Variants in CARS1 observed in about 807,000 individuals in gnomAD.
CARS1 encodes cysteine--tRNA ligase, cytoplasmic.
Under a neutral mutation model 106.2 loss-of-function variants are expected in CARS1, and 48 were observed. The ratio of observed to expected loss-of-function variants is 0.45; its 90% CI spans 0.36 to 0.57. The LOEUF (loss-of-function observed/expected upper bound fraction) is 0.57, where lower values mean the gene tolerates loss of function less well. CARS1 is among the 20% of genes least tolerant of loss of function. The probability of loss-of-function intolerance (pLI) is 0.00; values close to 1 mark genes in which losing one functional copy is unlikely to be tolerated. For synonymous variants in CARS1, 409 were observed against 403.4 expected, an observed-to-expected ratio of 1.01 and a Z score of -0.17; for missense variants, 968 against 1,057.2, an observed-to-expected ratio of 0.92 and a Z score of 1.17.
Position 3,052,129 on chromosome 11 carries a change from C to A in CARS1, c.26-4128G>T, listed in dbSNP as rs1165244151. Among the ~76,000 whole-genome samples the A allele has an allele frequency of 3.3e-5, 5 of 152,240 alleles. No individual in the cohort carries two copies. Among genetic ancestry groups the A allele is most frequent in the African/African-American group, 1.2e-4 (5 of 41,464 alleles). On this transcript the variant is annotated intron_variant, in intron 1 of 22. Transcript: ENST00000380525. This position sits in a 1 kb window ranked among gnomAD's most constrained non-coding sequence, Gnocchi z 4.6. The stretch of plus-strand genomic sequence containing the variant: ...AGAAAAACATCAAATGTCCTAACGG[C>A]GGCTGCAGTGGCTTTTGAGCGCTGA...
At chr11:3,032,088 T>C (rs1590439397) in intron 7 of CARS1, among the ~76,000 whole-genome samples, 3 of 127,486 alleles carry the variant, frequency 2.4e-5, no homozygotes, top group East Asian at 2.6e-4. Flanking sequence ...CCTTCCTTCC[T>C]TCCTTGATGG....
Position 3,041,238 on chromosome 11 carries a change from C to G in CARS1, c.367-254G>C. 1 of 459,394 alleles carries G rather than the reference C, an allele frequency of 2.2e-6. No homozygotes were observed. The highest frequency in any genetic ancestry group is 3.9e-6 in the Non-Finnish European group (1 of 256,458). 28.5% of individuals were successfully genotyped at this position (459,394 alleles called of 1,614,324 possible). On this transcript the variant is annotated intron_variant, in intron 3 of 22. Transcript: ENST00000380525. The surrounding 1 kb of genome is among the most constrained non-coding windows in gnomAD (Gnocchi z 4.9). ...GGTTCTACTCATCTATGGAGGGAGG[C>G]GATAAAGGGAATCAATGATTTTATT...
At position 3,047,753 on chromosome 11, in the gene CARS1, T is replaced by C. The variant is rs910209010; in HGVS notation, c.274A>G (p.Ser92Gly). 3 of 1,607,958 alleles carry C rather than the reference T, an allele frequency of 1.9e-6. No homozygotes were observed. The highest frequency in any genetic ancestry group is 2.6e-6 in the Non-Finnish European group (3 of 1,175,794). The change falls in exon 2 of 23, where the codon AGC becomes GGC. Residue 92 changes from serine (S) to glycine (G), a missense_variant and splice_region_variant. Transcript: ENST00000380525. The part of the protein sequence containing the change: ...GKGQPCRLQA[S>G]KGRRVQPQWS... Reference sequence around the variant, plus strand: ...CCAGGGAACCCACTCTGTTACTCACTTGCTTGGAGCCTGCAGGGCTGGCCT... The same window carrying C: ...CCAGGGAACCCACTCTGTTACTCACCTGCTTGGAGCCTGCAGGGCTGGCCT...
intron 10 of CARS1, among the ~76,000 whole-genome samples, chr11:3,025,239 T>TA (rs1466015733): frequency 3.9e-5 from 6 of 151,982 alleles, no homozygotes; most frequent in Non-Finnish European, 7.3e-5. Flanking sequence ...TTATTATATA[T>TA]TTTTTTGAGA....
At position 3,039,213 on chromosome 11, in the gene CARS1, T is replaced by A; in HGVS notation, c.632A>T (p.Asp211Val). The A allele has an allele frequency of 6.2e-7, 1 of 1,612,688 alleles. No individual in the cohort carries two copies. The highest frequency in any genetic ancestry group is 8.5e-7 in the Non-Finnish European group (1 of 1,178,910). The change falls in exon 6 of 23, where the codon GAT (aspartate) becomes GTT (valine). Residue 211 changes from aspartate (D) to valine (V), a missense_variant. Transcript: ENST00000380525. This position sits in a 1 kb window ranked among gnomAD's most constrained non-coding sequence, Gnocchi z 5.6. ...GCCCACCTTCAGGGCGGCCTGAACA[T>A]CCTCCAAGAGCTGTGCCGCTTCAGG... ...KRPEAAQLLE[D>V]VQAALKPFSV...
Position 3,037,143 on chromosome 11 carries a change from G to A in CARS1, c.801+907C>T, listed in dbSNP as rs1444230858. ...GCTCCCAGGCAGGCACTGAGGCAGT[G>A]ACAGTGACCACATGTGGGTCGTCCC... On this transcript the variant is annotated intron_variant, in intron 7 of 22. Coordinates refer to ENST00000380525, the MANE Select transcript of CARS1 (RefSeq NM_001014437.3). The surrounding 1 kb of genome is among the most constrained non-coding windows in gnomAD (Gnocchi z 5.9). Among the ~76,000 whole-genome samples, 1 of 152,224 alleles carries A rather than the reference G, an allele frequency of 6.6e-6. No homozygotes were observed. Among genetic ancestry groups the A allele is most frequent in the Non-Finnish European group, 1.5e-5 (1 of 68,030 alleles).
intron 7 of CARS1, chr11:3,031,027 G>C (rs1043019636): frequency 2.0e-5 from 3 of 152,160 alleles, no homozygotes; most frequent in Non-Finnish European, 4.4e-5. Flanking sequence ...GAAATGATGA[G>C]ACTCACATCT....
rs2134294555 is a variant in CARS1, at chr11:3,047,999, G to A, written c.28C>T (p.Pro10Ser). 2 of 1,612,268 alleles carry A rather than the reference G, an allele frequency of 1.2e-6. No homozygotes were observed. Among genetic ancestry groups the A allele is most frequent in the Admixed American group, 1.7e-5 (1 of 59,986 alleles). Residue 10 changes from proline (P) to serine (S), a missense_variant and splice_region_variant, in exon 2 of 23, where the codon CCT becomes TCT. Physicochemically the swap from Pro to Ser is moderately conservative, Grantham distance 74. Transcript: ENST00000380525. MADSSGQQA[P>S]DYRSILSISD... is the part of the protein sequence containing the mutation. The stretch of plus-strand genomic sequence containing the variant: ...ATGCTCAGAATGGACCTGTAGTCAG[G>A]AGCTGCAAAGACAGAGGGCACATGG...
At position 3,040,904 on chromosome 11, in the gene CARS1, C is replaced by T; in HGVS notation, c.447G>A (p.Gly149=). The change falls in exon 4 of 23, where the codon GGG becomes GGA. Residue 149 remains glycine, a synonymous_variant. Transcript: ENST00000380525. The surrounding 1 kb of genome is among the most constrained non-coding windows in gnomAD (Gnocchi z 5.8). ...GPTVYDASHM[G]HARSYISFDI... is the part of the protein sequence containing the mutation. ...CCCCGCGGTGGACCTACCTGGCGTG[C>T]CCCATGTGAGATGCGTCATAGACGG... 2 of 1,614,010 alleles carry T rather than the reference C, an allele frequency of 1.2e-6. No homozygotes were observed. The highest frequency in any genetic ancestry group is 1.7e-6 in the Non-Finnish European group (2 of 1,179,956).
Position 3,047,974 on chromosome 11 carries a change from A to AT in CARS1, c.52dup (p.Ile18AsnfsTer2), listed in dbSNP as rs1337746511. On this transcript the variant is annotated frameshift_variant, in exon 2 of 23. Coordinates refer to ENST00000380525, the MANE Select transcript of CARS1 (RefSeq NM_001014437.3). LOFTEE classifies it high-confidence loss of function. ...TTGTGCCCTGGCTGCCTCGTCACTA[A>AT]TGCTCAGAATGGACCTGTAGTCAGG... 1.2e-6 allele frequency: 2 copies of AT among 1,614,108 alleles called. No homozygotes were observed. Among genetic ancestry groups the AT allele is most frequent in the East Asian group, 2.2e-5 (1 of 44,882 alleles).
At position 3,048,766 on chromosome 11, in the gene CARS1, C is replaced by G. The variant is rs1222732565; in HGVS notation, c.26-765G>C. The stretch of plus-strand genomic sequence containing the variant: ...GGAGGACTGGGCCCCCTCAAAGGAC[C>G]AGCCCAAGAAAGCACAGGGCTGCCA... On this transcript the variant is annotated intron_variant, in intron 1 of 22. Transcript: ENST00000380525. This position sits in a 1 kb window ranked among gnomAD's most constrained non-coding sequence, Gnocchi z 5.1. Among the ~76,000 whole-genome samples, 1 of 152,206 alleles carries G rather than the reference C, an allele frequency of 6.6e-6. No homozygotes were observed. The highest frequency in any genetic ancestry group is 6.5e-5 in the Admixed American group (1 of 15,278).
chr11:3,039,802 C>A lies in CARS1; in HGVS notation c.552+33G>T. 9.0e-7 allele frequency: 1 copy of A among 1,106,112 alleles called. No homozygotes were observed. Among genetic ancestry groups the A allele is most frequent in the Non-Finnish European group, 1.3e-6 (1 of 750,456 alleles). The allele number at this position is 1,106,112 out of a possible 1,614,324, so 68.5% of individuals were successfully genotyped here. ...TATCTTCTTTTACACCATCCAATTG[C>A]ATTTAAAATTTAATCTTACAAATTC... On this transcript the variant is annotated intron_variant, in intron 5 of 22. Coordinates refer to ENST00000380525, the MANE Select transcript of CARS1 (RefSeq NM_001014437.3). This position sits in a 1 kb window ranked among gnomAD's most constrained non-coding sequence, Gnocchi z 5.6.
chr11:3,001,262 G>C lies in CARS1; in HGVS notation c.2362-14C>G. 6.2e-7 allele frequency: 1 copy of C among 1,612,456 alleles called. No homozygotes were observed. Among genetic ancestry groups the C allele is most frequent in the Non-Finnish European group, 8.5e-7 (1 of 1,179,972 alleles). ...TGTGGGCAGACCCTGAAAACCCAGAGCACAGCGGCTATTGGTCTCCTCTGC... is the reference window on the plus strand; with the variant it reads ...TGTGGGCAGACCCTGAAAACCCAGACCACAGCGGCTATTGGTCTCCTCTGC... On this transcript the variant is annotated splice_polypyrimidine_tract_variant and intron_variant, in intron 22 of 22. Transcript: ENST00000380525.
intron 20 of CARS1, 46 bp downstream of exon 20, chr11:3,005,320 A>C (rs1849752708): frequency 7.1e-7 from 1 of 1,404,596 alleles, no homozygotes; most frequent in South Asian, 1.2e-5. Context: ...AATGGTTTTT[A>C]CATTTTCAAC....
At chr11:3,012,151 T>G in intron 18 of CARS1, 44 bp downstream of exon 18, 2 of 1,543,026 alleles carry the variant, frequency 1.3e-6, no homozygotes, top group Non-Finnish European at 1.8e-6. Flanking sequence ...GGGAGCCCAG[T>G]GAGGGGAGTG....
Position 3,004,975 on chromosome 11 carries a change from G to A in CARS1, c.2217+391C>T, listed in dbSNP as rs1385366984. Among the ~76,000 whole-genome samples, 1 of 152,124 alleles carries A rather than the reference G, an allele frequency of 6.6e-6. No individual in the cohort carries two copies. The highest frequency in any genetic ancestry group is 1.5e-5 in the Non-Finnish European group (1 of 68,032). ...ATACAAAAATTAGCTGGGCACAGTGGTGCGTGCCTGTAGTCCCAGCTACTT... is the reference window on the plus strand; with the variant it reads ...ATACAAAAATTAGCTGGGCACAGTGATGCGTGCCTGTAGTCCCAGCTACTT... On this transcript the variant is annotated intron_variant, in intron 20 of 22. Transcript: ENST00000380525. This position sits in a 1 kb window ranked among gnomAD's most constrained non-coding sequence, Gnocchi z 5.2.
rs760843141 is a variant in CARS1, at chr11:3,017,129, G to A, written c.1894C>T (p.Leu632=). 2.3e-5 allele frequency: 37 copies of A among 1,614,090 alleles called. No homozygotes were observed. Among genetic ancestry groups the A allele is most frequent in the Non-Finnish European group, 3.1e-5 (36 of 1,179,940 alleles). Residue 632 remains leucine (L), a synonymous_variant, in exon 16 of 23, where the codon CTG becomes TTG. Coordinates refer to ENST00000380525, the MANE Select transcript of CARS1 (RefSeq NM_001014437.3). The surrounding 1 kb of genome is among the most constrained non-coding windows in gnomAD (Gnocchi z 4.9). The part of the protein sequence containing the change: ...PNQALLENIA[L]YLTHMLKIFG... ...ACCTTCAGCATATGGGTGAGGTACA[G>A]GGCGATGTTCTCCAGCAGAGCCTGG...
rs1303155240 is a variant in CARS1 at position 3,002,574 on chromosome 11, TTTC to T, written c.2241_2243del (p.Lys748del). Reference sequence around the variant, plus strand: ...CCTGTTTCCTCCGGGCCGCCTCCTCTTTCTTCTTCCTCTTCTCCTCTTCAACCT... The same window carrying T: ...CCTGTTTCCTCCGGGCCGCCTCCTCTTTCTTCCTCTTCTCCTCTTCAACCT... On this transcript the variant is annotated inframe_deletion, in exon 21 of 23. Transcript: ENST00000380525. The T allele has an allele frequency of 6.2e-7, 1 of 1,614,066 alleles. No homozygotes were observed. Among genetic ancestry groups the T allele is most frequent in the African/African-American group, 1.3e-5 (1 of 74,942 alleles).
intron 22 of CARS1, 74 bp downstream of exon 22, chr11:3,001,896 A>C (rs1219646900): frequency 8.4e-7 from 1 of 1,194,938 alleles, no homozygotes; most frequent in African/African-American, 1.5e-5. Context: ...TCCAAGGTTG[A>C]AAATTCCTGT....
Sources: allele counts gnomAD v4.1 joint callset (sites outside exome capture counted in the v4.1 genomes callset), GRCh38; gene constraint gnomAD v4.1.1; non-coding constraint Gnocchi (gnomAD v3.1); transcripts MANE v1.5; gene names NCBI Gene and HGNC (gene_info 2026-07-23, HGNC 2026-07-21).